LRIG1: variants seen among roughly 807,000 people sequenced by gnomAD.
LRIG1 encodes leucine-rich repeats and immunoglobulin-like domains protein 1.
A neutral mutation model predicts 99.2 loss-of-function variants in LRIG1; 48 were observed. The ratio of observed to expected loss-of-function variants is 0.48; its 90% CI spans 0.38 to 0.62. The LOEUF is 0.62. Ranked by LOEUF, LRIG1 falls within the 20% of genes least tolerant of loss-of-function variation. LRIG1 has a pLI of 0.00. For missense variants in LRIG1, 1,646 were observed against 1,434.4 expected, an observed-to-expected ratio of 1.15 and a Z score of -2.38; for synonymous variants, 772 against 596.1, an observed-to-expected ratio of 1.29 and a Z score of -4.30.
At chr3:66,384,384 T>A in intron 13 of LRIG1, 112 bp from the exon 14 acceptor site, 1 of 1,154,186 alleles carries the variant, frequency 8.7e-7, no homozygotes, top group Non-Finnish European at 1.3e-6. Flanking sequence ...TCACTTCTTT[T>A]CTCCCAATGT....
At chr3:66,441,987 T>C (rs959191555) in intron 3 of LRIG1, among the ~76,000 whole-genome samples, 3 of 152,278 alleles carry the variant, frequency 2.0e-5, no homozygotes, top group African/African-American at 7.2e-5. Context: ...GGGAAGTCCA[T>C]AGAGCAACGC....
chr3:66,471,426 G>T (rs1700593132), intron 1 of LRIG1, among the ~76,000 whole-genome samples: 2 of 152,168 alleles, frequency 1.3e-5, no homozygotes, highest in Admixed American at 1.3e-4. Context: ...CCTCCTGGGA[G>T]CCCAGTCATT....
chr3:66,449,497 G>T (rs1325059917), intron 3 of LRIG1, among the ~76,000 whole-genome samples: 2 of 152,158 alleles, frequency 1.3e-5, no homozygotes, highest in Non-Finnish European at 2.9e-5. Context: ...CAGGAACAAG[G>T]CCAAACAGCC....
At chr3:66,432,289 T>C (rs1703197759) in intron 3 of LRIG1, among the ~76,000 whole-genome samples, 1 of 152,316 alleles carries the variant, frequency 6.6e-6, no homozygotes, top group South Asian at 2.1e-4. Context: ...AGCCGGAGTC[T>C]GGAATGGAGC....
rs1209053509 is a variant in LRIG1, at chr3:66,462,520, CAGAG to C, written c.219-15_219-12del. 3 of 1,602,674 alleles carry C rather than the reference CAGAG, an allele frequency of 1.9e-6. No homozygotes were observed. Among genetic ancestry groups the C allele is most frequent in the African/African-American group, 1.3e-5 (1 of 74,808 alleles). On this transcript the variant is annotated splice_polypyrimidine_tract_variant and intron_variant, in intron 1 of 18. Coordinates refer to ENST00000273261, the MANE Select transcript of LRIG1 (RefSeq NM_015541.3). ...TTGTAACTCAGGTTTCTGGTAAAGA[CAGAG>C]AGAGAAAAAAACGGAATCAACAACC...
At chr3:66,425,444 T>C (rs783511) in intron 3 of LRIG1, among the ~76,000 whole-genome samples, 71,272 of 152,146 alleles carry the variant, frequency 0.47, 20,569 homozygotes, top group Non-Finnish European at 0.66. Context: ...AGTTTTTACT[T>C]TGAATGTTCT....
At chr3:66,405,658 A>C in intron 8 of LRIG1, 1 of 1,012,950 alleles carries the variant, frequency 9.9e-7, no homozygotes, top group Non-Finnish European at 1.2e-6. Context: ...TCTCATACCA[A>C]CCAGAGTCCC....
chr3:66,390,902 G>T (rs182309779), intron 12 of LRIG1, among the ~76,000 whole-genome samples: 1 of 152,150 alleles, frequency 6.6e-6, no homozygotes, highest in African/African-American at 2.4e-5. Flanking sequence ...GAAAATATTG[G>T]CACAACATGT....
rs73833479 is a variant in LRIG1 at position 66,382,388 on chromosome 3, G to A, written c.2502C>T (p.Val834=). ...EYSVTNTDET[V]VPPDVPSYLS... is the part of the protein sequence containing the mutation. ...GGTAGCTTGGAACATCTGGTGGCAC[G>A]ACGGTTTCATCTGCAAGGAGACAGA... is the stretch of plus-strand genomic sequence containing the variant. The change falls in exon 16 of 19, where the codon GTC becomes GTT. Residue 834 remains valine, a synonymous_variant. Transcript: ENST00000273261. 86 of 1,614,188 alleles carry A rather than the reference G, an allele frequency of 5.3e-5. No homozygotes were observed. The highest frequency in any genetic ancestry group is 6.7e-5 in the Admixed American group (4 of 60,028).
intron 6 of LRIG1, among the ~76,000 whole-genome samples, chr3:66,411,479 A>C (rs947379158): frequency 6.6e-6 from 1 of 152,218 alleles, no homozygotes; most frequent in African/African-American, 2.4e-5. Flanking sequence ...TGGACTTCCA[A>C]GTCCAAAATG....
intron 1 of LRIG1, among the ~76,000 whole-genome samples, chr3:66,493,039 T>C (rs1443683462): frequency 6.6e-6 from 1 of 152,020 alleles, no homozygotes; most frequent in Non-Finnish European, 1.5e-5. Context: ...AAATGAAAAA[T>C]GTTCTTTGCA....
At chr3:66,491,358 G>C (rs1701097581) in intron 1 of LRIG1, among the ~76,000 whole-genome samples, 1 of 152,110 alleles carries the variant, frequency 6.6e-6, no homozygotes, top group Non-Finnish European at 1.5e-5. Context: ...TAATAGCTTG[G>C]TAGAAACCTC....
chr3:66,396,736 G>C (rs1028208894), intron 11 of LRIG1, among the ~76,000 whole-genome samples: 2 of 152,180 alleles, frequency 1.3e-5, no homozygotes, highest in African/African-American at 4.8e-5. Flanking sequence ...CGTTTAAATT[G>C]AATCAGGTAT....
chr3:66,450,388 T>C (rs575993044), intron 3 of LRIG1, among the ~76,000 whole-genome samples: 1 of 152,260 alleles, frequency 6.6e-6, no homozygotes, highest in East Asian at 1.9e-4. Context: ...ACTTTCCTCA[T>C]GTATAAAATG....
At chr3:66,428,820 T>C (rs543008538) in intron 3 of LRIG1, among the ~76,000 whole-genome samples, 37 of 152,400 alleles carry the variant, frequency 2.4e-4, no homozygotes, top group African/African-American at 8.7e-4. Context: ...CTGGGTTATT[T>C]GCTGGACAGG....
intron 3 of LRIG1, among the ~76,000 whole-genome samples, chr3:66,421,003 G>A (rs1702790626): frequency 6.6e-6 from 1 of 152,144 alleles, no homozygotes; most frequent in Non-Finnish European, 1.5e-5. Flanking sequence ...GCTTGTGCAG[G>A]GAAACTCCTG....
At chr3:66,452,046 C>T (rs1703921914) in intron 2 of LRIG1, among the ~76,000 whole-genome samples, 1 of 152,178 alleles carries the variant, frequency 6.6e-6, no homozygotes, top group South Asian at 2.1e-4. Flanking sequence ...GAGCCAGAGA[C>T]TCACGCCCTG....
chr3:66,471,708 G>T (rs1217608582), intron 1 of LRIG1, among the ~76,000 whole-genome samples: 1 of 152,202 alleles, frequency 6.6e-6, no homozygotes, highest in Non-Finnish European at 1.5e-5. Flanking sequence ...TTTGCTTCTG[G>T]AGTACTGAAA....
In LRIG1 at chr3:66,405,170, G is replaced by A. The variant is rs138416101; in HGVS notation, c.1160+28C>T. On this transcript the variant is annotated intron_variant, in intron 9 of 18. Coordinates refer to ENST00000273261, the MANE Select transcript of LRIG1 (RefSeq NM_015541.3). ...CCCAAGTGTGTCCCGCGCATTTGCCGGCGGAGCTCCGTGCGGCGGATACTC... is the reference window on the plus strand; with the variant it reads ...CCCAAGTGTGTCCCGCGCATTTGCCAGCGGAGCTCCGTGCGGCGGATACTC... 2.6e-3 allele frequency: 4,168 copies of A among 1,606,380 alleles called. 32 individuals are homozygous for A. The highest frequency in any genetic ancestry group is 0.013 in the South Asian group (1,190 of 90,826).
Sources: allele counts gnomAD v4.1 joint callset (sites outside exome capture counted in the v4.1 genomes callset), GRCh38; gene constraint gnomAD v4.1.1; transcripts MANE v1.5; gene names NCBI Gene and HGNC (gene_info 2026-07-23, HGNC 2026-07-21).